Variants in ABTB2 observed in about 807,000 individuals in gnomAD.
The protein encoded by ABTB2 is ankyrin repeat and BTB/POZ domain-containing protein 2.
A neutral mutation model predicts 104.1 loss-of-function variants in ABTB2; 56 were observed. The observed-to-expected ratio is 0.54, with a 90% CI of 0.43 to 0.67. The LOEUF is 0.67. ABTB2 is among the 30% of genes least tolerant of loss of function. The pLI is 0.00. For synonymous variants in ABTB2, 606 were observed against 608.2 expected (o/e 1.00, Z 0.05); for missense variants, 1,279 against 1,407.7 (o/e 0.91, Z 1.46).
chr11:34,244,587 A>AGCTGGGCTTAGAGTGAAGCATGG (rs1234095549), intron 1 of ABTB2, among the ~76,000 whole-genome samples: 1 of 152,224 alleles, frequency 6.6e-6, no homozygotes, highest in African/African-American at 2.4e-5. Context: ...CCCATGGTGA[A>AGCTGGGCTTAGAGTGAAGCATGG]TAAGAGCTGG....
chr11:34,218,887 T>G, intron 1 of ABTB2, among the ~76,000 whole-genome samples: 1 of 149,346 alleles, frequency 6.7e-6, no homozygotes, highest in Non-Finnish European at 1.5e-5. Flanking sequence ...ATCCATTGTT[T>G]ACCTTTGTTC....
chr11:34,311,658 G>A (rs1176394479), intron 1 of ABTB2, among the ~76,000 whole-genome samples: 2 of 152,128 alleles, frequency 1.3e-5, no homozygotes, highest in African/African-American at 4.8e-5. Context: ...TTGAAAAGAA[G>A]GTGTCCATTT....
intron 1 of ABTB2, among the ~76,000 whole-genome samples, chr11:34,214,813 C>G (rs570401827): frequency 6.6e-6 from 1 of 152,066 alleles, no homozygotes; most frequent in Non-Finnish European, 1.5e-5. Context: ...TTTAACAAAA[C>G]TAATATTACA....
intron 1 of ABTB2, among the ~76,000 whole-genome samples, chr11:34,323,781 G>A (rs961615340): frequency 6.6e-6 from 1 of 152,056 alleles, no homozygotes; most frequent in Non-Finnish European, 1.5e-5. Flanking sequence ...AGCACCAGGT[G>A]TATGGAGGGC....
chr11:34,346,058 C>T (rs140270590), intron 1 of ABTB2, among the ~76,000 whole-genome samples: 45 of 152,280 alleles, frequency 3.0e-4, no homozygotes, highest in African/African-American at 1.0e-3. Flanking sequence ...CTGTATACCT[C>T]GGAGCATGGA....
intron 14 of ABTB2, among the ~76,000 whole-genome samples, chr11:34,155,442 T>C (rs1487269529): frequency 1.3e-5 from 2 of 152,238 alleles, no homozygotes; most frequent in Non-Finnish European, 2.9e-5. Context: ...CGGGAACGAT[T>C]TAGTTCTGCT....
In ABTB2 at chr11:34,357,405, G is replaced by C; in HGVS notation, c.179C>G (p.Ser60Cys). 1 of 1,547,412 alleles carries C rather than the reference G, an allele frequency of 6.5e-7. No individual in the cohort carries two copies. The highest frequency in any genetic ancestry group is 8.7e-7 in the Non-Finnish European group (1 of 1,145,176). ...CCAGCTGTTGTGGCGGCTGTTCATGGAGCCGGAGTAGCACCACCAGGCCGC... is the reference window on the plus strand; with the variant it reads ...CCAGCTGTTGTGGCGGCTGTTCATGCAGCCGGAGTAGCACCACCAGGCCGC... Reference protein sequence around the residue: ...RGAAWWCYSGSMNSRHNSWDT... With the variant: ...RGAAWWCYSGCMNSRHNSWDT... The change falls in exon 1 of 17, where the codon TCC becomes TGC. Residue 60 changes from serine to cysteine, a missense_variant. By Grantham distance (112) the Ser-to-Cys change is moderately radical (BLOSUM62 -1). Coordinates refer to ENST00000435224, the MANE Select transcript of ABTB2 (RefSeq NM_145804.3).
At chr11:34,309,431 C>T (rs936889135) in intron 1 of ABTB2, among the ~76,000 whole-genome samples, 1 of 152,130 alleles carries the variant, frequency 6.6e-6, no homozygotes, top group Admixed American at 6.6e-5. Flanking sequence ...CACAAGGGTG[C>T]AGGTCAGAGG....
intron 1 of ABTB2, among the ~76,000 whole-genome samples, chr11:34,206,087 C>T (rs1266006584): frequency 2.0e-5 from 3 of 152,178 alleles, no homozygotes; most frequent in African/African-American, 7.2e-5. Flanking sequence ...GGGCCAGGCA[C>T]AGTGGATCAC....
At position 34,161,047 on chromosome 11, in the gene ABTB2, A is replaced by G; in HGVS notation, c.2253T>C (p.Ser751=). The G allele has an allele frequency of 6.2e-7, 1 of 1,612,490 alleles. No homozygotes were observed. The highest frequency in any genetic ancestry group is 1.7e-5 in the Admixed American group (1 of 59,852). The change falls in exon 11 of 17, where the codon TCT becomes TCC. Residue 751 remains serine, a synonymous_variant. Transcript: ENST00000435224. ...VPWKLHIWIE[S]LRTSFSQSRY... ...GCGACTGCGAGAACGAGGTCCTCAGAGACTCGATCCAGATGTGCAGCTTCC... is the reference window on the plus strand; with the variant it reads ...GCGACTGCGAGAACGAGGTCCTCAGGGACTCGATCCAGATGTGCAGCTTCC...
At chr11:34,263,751 A>G (rs1467194519) in intron 1 of ABTB2, among the ~76,000 whole-genome samples, 8 of 152,146 alleles carry the variant, frequency 5.3e-5, no homozygotes, top group African/African-American at 1.9e-4. Flanking sequence ...GGAAACAAGG[A>G]TGAATGGGCT....
At chr11:34,233,060 T>C (rs896097154) in intron 1 of ABTB2, among the ~76,000 whole-genome samples, 6 of 150,318 alleles carry the variant, frequency 4.0e-5, no homozygotes, top group Non-Finnish European at 7.4e-5. Flanking sequence ...CACCCTGTCA[T>C]AGTGGTTTGG....
At chr11:34,338,000 G>C (rs1855212502) in intron 1 of ABTB2, among the ~76,000 whole-genome samples, 1 of 151,908 alleles carries the variant, frequency 6.6e-6, no homozygotes, top group Non-Finnish European at 1.5e-5. Context: ...TGTGAGAGGA[G>C]CGCAGAATAA....
chr11:34,289,104 G>A (rs1413771849), intron 1 of ABTB2, among the ~76,000 whole-genome samples: 2 of 152,236 alleles, frequency 1.3e-5, no homozygotes, highest in Non-Finnish European at 2.9e-5. Flanking sequence ...AGTTCTGACA[G>A]GGGTGGCAAG....
chr11:34,294,366 G>A (rs945948804), intron 1 of ABTB2, among the ~76,000 whole-genome samples: 4 of 152,052 alleles, frequency 2.6e-5, no homozygotes, highest in African/African-American at 9.7e-5. Context: ...AAGTGACAAT[G>A]GGCCTTTGAG....
chr11:34,356,565 C>T lies in ABTB2; in HGVS notation c.883+136G>A. 8.1e-7 allele frequency: 1 copy of T among 1,236,530 alleles called. No homozygotes were observed. The highest frequency in any genetic ancestry group is 1.1e-6 in the Non-Finnish European group (1 of 907,478). 76.6% of individuals were successfully genotyped at this position (1,236,530 alleles called of 1,614,324 possible). A position where few individuals can be genotyped will look rare whatever the true frequency, so the allele number is the denominator to read the frequency against. On this transcript the variant is annotated intron_variant, in intron 1 of 16. Coordinates refer to ENST00000435224, the MANE Select transcript of ABTB2 (RefSeq NM_145804.3). This position sits in a 1 kb window ranked among gnomAD's most constrained non-coding sequence, Gnocchi z 4.6. The stretch of plus-strand genomic sequence containing the variant: ...TCTGGCAAGTGCCATGTAATGAACC[C>T]TATCCTCAGACCAAACGTTTTCTCC...
intron 10 of ABTB2, 122 bp downstream of exon 10, chr11:34,162,454 C>T: frequency 9.2e-7 from 1 of 1,092,622 alleles, no homozygotes; most frequent in Non-Finnish European, 1.3e-6. Flanking sequence ...GCTCAGCTGC[C>T]CTGGGGCTTG....
At chr11:34,295,830 C>T (rs188178132) in intron 1 of ABTB2, among the ~76,000 whole-genome samples, 88 of 152,312 alleles carry the variant, frequency 5.8e-4, no homozygotes, top group Middle Eastern at 3.4e-3. Flanking sequence ...TAAAGAGCTA[C>T]CTGGGGTCCC....
At chr11:34,162,026 C>A (rs1451837156) in intron 10 of ABTB2, among the ~76,000 whole-genome samples, 1 of 152,180 alleles carries the variant, frequency 6.6e-6, no homozygotes, top group Admixed American at 6.5e-5. Flanking sequence ...GGTGATGTCA[C>A]CTCATTCTTA....
Sources: allele counts gnomAD v4.1 joint callset (sites outside exome capture counted in the v4.1 genomes callset), GRCh38; gene constraint gnomAD v4.1.1; non-coding constraint Gnocchi (gnomAD v3.1); transcripts MANE v1.5; gene names NCBI Gene and HGNC (gene_info 2026-07-23, HGNC 2026-07-21).